SSH2: variants seen among roughly 807,000 people sequenced by gnomAD.
SSH2 encodes the protein protein phosphatase Slingshot homolog 2.
SSH2 carries 37 observed loss-of-function variants against 135.2 expected under a neutral mutation model. The ratio of observed to expected loss-of-function variants is 0.27; its 90% confidence interval spans 0.21 to 0.36. The LOEUF (loss-of-function observed/expected upper bound fraction) is 0.36. Ranked by LOEUF, SSH2 falls within the 10% of genes least tolerant of loss-of-function variation. The pLI is 1.00. For synonymous variants in SSH2, 628 were observed against 646.2 expected (o/e 0.97, Z 0.43); for missense variants, 1,408 against 1,765.3 (o/e 0.80, Z 3.63).
intron 2 of SSH2, among the ~76,000 whole-genome samples, chr17:29,838,193 G>A (rs2042977080): frequency 6.6e-6 from 1 of 152,232 alleles, no homozygotes; most frequent in Admixed American, 6.5e-5. Context: ...GTGCAACCCA[G>A]CCACGTGTAT....
chr17:29,835,192 C>T (rs1333183568), intron 2 of SSH2, among the ~76,000 whole-genome samples: 1 of 152,212 alleles, frequency 6.6e-6, no homozygotes, highest in African/African-American at 2.4e-5. Context: ...AACTGCATCA[C>T]ACTTCTACAG....
intron 1 of SSH2, among the ~76,000 whole-genome samples, chr17:29,894,031 T>G (rs186970993): frequency 6.6e-6 from 1 of 152,238 alleles, no homozygotes; most frequent in Admixed American, 6.6e-5. Context: ...CTTTTAGTTC[T>G]CCACTTGTCT....
chr17:29,716,781 C>T, intron 3 of SSH2: 1 of 426,248 alleles, frequency 2.3e-6, no homozygotes, highest in South Asian at 2.0e-5. Flanking sequence ...ATTTTCTTCC[C>T]TTGCCAGTCA....
At chr17:29,812,344 C>T (rs899473440) in intron 2 of SSH2, among the ~76,000 whole-genome samples, 42 of 152,098 alleles carry the variant, frequency 2.8e-4, no homozygotes, top group East Asian at 5.8e-4. Context: ...GGTGCAGTCA[C>T]ACAATTTTGG....
At chr17:29,789,596 A>G (rs1212088192) in intron 3 of SSH2, among the ~76,000 whole-genome samples, 1 of 152,192 alleles carries the variant, frequency 6.6e-6, no homozygotes. Context: ...ATCAGGGAGC[A>G]GGCTGTCTTC....
intron 3 of SSH2, among the ~76,000 whole-genome samples, chr17:29,736,216 A>G (rs2040359309): frequency 6.6e-6 from 1 of 151,426 alleles, no homozygotes; most frequent in South Asian, 2.1e-4. Context: ...AGGATTTTGG[A>G]TAAGATTTTG....
At chr17:29,740,743 A>G (rs376306982) in intron 3 of SSH2, among the ~76,000 whole-genome samples, 284 of 152,350 alleles carry the variant, frequency 1.9e-3, no homozygotes, top group South Asian at 8.7e-3. Context: ...ATCATCTTCT[A>G]AAATTTAAGT....
intron 8 of SSH2, chr17:29,674,259 A>C (rs1337796402): frequency 4.5e-6 from 2 of 446,296 alleles, no homozygotes; most frequent in Non-Finnish European, 9.0e-6. Flanking sequence ...CCTTAAAAAC[A>C]AAGTTGCAGA....
In SSH2 at chr17:29,907,203, C is replaced by A. The variant is rs185717808; in HGVS notation, c.63+22735G>T. 7.9e-5 allele frequency among the ~76,000 whole-genome samples: 12 copies of A among 152,302 alleles called. 1 individual carries two copies. The East Asian group carries it at 1.9e-3, about 24-fold the overall frequency. On this transcript the variant is annotated intron_variant, in intron 1 of 15. Transcript: ENST00000540801. ...GTCATAAAAAGGAATGAGATCATATCTTTTGCAGGGAAATGGATGGAGTTG... is the reference window on the plus strand; with the variant it reads ...GTCATAAAAAGGAATGAGATCATATATTTTGCAGGGAAATGGATGGAGTTG...
chr17:29,691,471 G>C (rs541448148), intron 5 of SSH2, among the ~76,000 whole-genome samples: 12 of 146,250 alleles, frequency 8.2e-5, no homozygotes, highest in African/African-American at 3.0e-4. Context: ...TGGAGGAAAA[G>C]ATTGGCTTTG....
intron 11 of SSH2, among the ~76,000 whole-genome samples, chr17:29,665,980 C>T (rs1306031030): frequency 6.6e-6 from 1 of 152,188 alleles, no homozygotes; most frequent in Non-Finnish European, 1.5e-5. Flanking sequence ...TAGCTCCCAC[C>T]AGCTCTGCTC....
chr17:29,798,046 T>C (rs1477089507), intron 2 of SSH2, among the ~76,000 whole-genome samples: 1 of 152,214 alleles, frequency 6.6e-6, no homozygotes, highest in Non-Finnish European at 1.5e-5. Context: ...TACACCGCTT[T>C]ATACCCTCAT....
At chr17:29,709,015 TAGAGAGAGAGAGAGAG>T (rs58190730) in intron 3 of SSH2, among the ~76,000 whole-genome samples, 1 of 81,588 alleles carries the variant, frequency 1.2e-5, no homozygotes, top group Admixed American at 1.6e-4. Context: ...TATATATATA[TAGAGAGAGAGAGAGAG>T]AGAGAGAGAG....
At chr17:29,809,291 G>A (rs940865354) in intron 2 of SSH2, among the ~76,000 whole-genome samples, 2 of 152,148 alleles carry the variant, frequency 1.3e-5, no homozygotes, top group Non-Finnish European at 2.9e-5. Flanking sequence ...CTATTTAGTA[G>A]CTTGATAGAC....
At chr17:29,747,383 G>A (rs145823961) in intron 3 of SSH2, among the ~76,000 whole-genome samples, 45 of 152,158 alleles carry the variant, frequency 3.0e-4, no homozygotes, top group African/African-American at 9.6e-4. Context: ...CAAATCCCTC[G>A]AATTACTAAA....
chr17:29,737,950 AC>A (rs1486316266), intron 3 of SSH2, among the ~76,000 whole-genome samples: 1 of 111,680 alleles, frequency 9.0e-6, no homozygotes, highest in East Asian at 2.4e-4. Context: ...TTTATATTAT[AC>A]TTTAAGTTCT....
At chr17:29,866,348 T>G (rs75212986) in intron 1 of SSH2, among the ~76,000 whole-genome samples, 1 of 152,188 alleles carries the variant, frequency 6.6e-6, no homozygotes, top group African/African-American at 2.4e-5. Context: ...TCCAGTGAGA[T>G]GCAAAAGCAG....
At chr17:29,639,322 T>C (rs1437946938) in intron 14 of SSH2, among the ~76,000 whole-genome samples, 21 of 152,068 alleles carry the variant, frequency 1.4e-4, no homozygotes, top group Admixed American at 1.4e-3. Flanking sequence ...AGGAAACAGG[T>C]CACTAAGTAT....
chr17:29,737,206 ATC>A (rs2040403433), intron 3 of SSH2, among the ~76,000 whole-genome samples: 1 of 150,912 alleles, frequency 6.6e-6, no homozygotes, highest in South Asian at 2.1e-4. Context: ...TATTTAGATT[ATC>A]TGTTATATAT....
Sources: allele counts gnomAD v4.1 joint callset (sites outside exome capture counted in the v4.1 genomes callset), GRCh38; gene constraint gnomAD v4.1.1; transcripts MANE v1.5; gene names NCBI Gene and HGNC (gene_info 2026-07-23, HGNC 2026-07-21).